CCDC110: variants seen among roughly 807,000 people sequenced by gnomAD.
CCDC110 encodes coiled-coil domain containing 110.
Under a neutral mutation model 77.1 loss-of-function variants are expected in CCDC110, and 70 were observed. That is an observed-to-expected ratio of 0.91 (90% CI 0.75 to 1.11). CCDC110 has a LOEUF of 1.11. Among genes scored for constraint, CCDC110 ranks in the 50% least tolerant of loss-of-function variants. CCDC110 has a pLI of 0.00. For synonymous variants in CCDC110, 295 were observed against 312.5 expected (o/e 0.94, Z 0.59); for missense variants, 868 against 942.9 (o/e 0.92, Z 1.04).
chr4:185,453,788 C>G (rs557945940), intron 6 of CCDC110, among the ~76,000 whole-genome samples: 1 of 151,496 alleles, frequency 6.6e-6, no homozygotes, highest in South Asian at 2.1e-4. Flanking sequence ...TCAAACGATC[C>G]TCCCACCTCA....
At chr4:185,447,460 T>G (rs369788718) in intron 6 of CCDC110, among the ~76,000 whole-genome samples, 159 of 152,244 alleles carry the variant, frequency 1.0e-3, no homozygotes, top group South Asian at 3.1e-3. Context: ...GATTACAGGC[T>G]TGATCCACCA....
chr4:185,462,476 G>A (rs1247533307), intron 4 of CCDC110, among the ~76,000 whole-genome samples, 167 bp downstream of exon 4: 1 of 152,190 alleles, frequency 6.6e-6, no homozygotes, highest in Non-Finnish European at 1.5e-5. Context: ...GTATAACAGA[G>A]AGAAGAATGT....
intron 6 of CCDC110, among the ~76,000 whole-genome samples, chr4:185,445,771 G>A (rs1218801176): frequency 6.6e-6 from 1 of 152,216 alleles, no homozygotes; most frequent in East Asian, 1.9e-4. Flanking sequence ...AACACTTGGG[G>A]ACAGCAATTA....
In CCDC110 at chr4:185,446,280, T is replaced by C. The variant is rs192867883; in HGVS notation, c.2462-738A>G. ...GTGCTATGTGTTAACTTTTACCTAATCAAAATATGATTTTGAATACATGAA... is the reference window on the plus strand; with the variant it reads ...GTGCTATGTGTTAACTTTTACCTAACCAAAATATGATTTTGAATACATGAA... On this transcript the variant is annotated intron_variant, in intron 6 of 6. Coordinates refer to ENST00000307588, the MANE Select transcript of CCDC110 (RefSeq NM_152775.4). Among the ~76,000 whole-genome samples the C allele has an allele frequency of 2.0e-5, 3 of 152,336 alleles. No homozygotes were observed. The East Asian group carries it at 5.8e-4, about 29-fold the overall frequency.
At chr4:185,448,289 G>C (rs1468342289) in intron 6 of CCDC110, among the ~76,000 whole-genome samples, 1 of 151,562 alleles carries the variant, frequency 6.6e-6, no homozygotes, top group East Asian at 1.9e-4. Flanking sequence ...CCAAAGTGCT[G>C]GGATTAAGTG....
At chr4:185,469,868 C>T (rs1306944727) in intron 2 of CCDC110, among the ~76,000 whole-genome samples, 2 of 152,200 alleles carry the variant, frequency 1.3e-5, no homozygotes, top group Non-Finnish European at 1.5e-5. Context: ...CCTCAGTCCT[C>T]TTGTGGTTCA....
At chr4:185,445,862 A>G (rs2095609206) in intron 6 of CCDC110, among the ~76,000 whole-genome samples, 1 of 152,152 alleles carries the variant, frequency 6.6e-6, no homozygotes, top group African/African-American at 2.4e-5. Flanking sequence ...TTTTTTTGAG[A>G]CGGAGTTTCG....
chr4:185,470,850 G>A, intron 2 of CCDC110, 95 bp downstream of exon 2: 1 of 900,560 alleles, frequency 1.1e-6, no homozygotes, highest in Non-Finnish European at 1.9e-6. Context: ...GTGTCATCAC[G>A]GCCGTGGGAA....
chr4:185,459,485 T>C lies in CCDC110; in HGVS notation c.1102A>G (p.Ile368Val). Reference sequence around the variant, plus strand: ...CTGGAATGGAATTTTAAATCTGTAATATTTTTGCCAGTGATGGGAATTTCT... The same window carrying C: ...CTGGAATGGAATTTTAAATCTGTAACATTTTTGCCAGTGATGGGAATTTCT... ...NKEIPITGKN[I>V]TDLKFHSRVP... Residue 368 changes from isoleucine (I) to valine (V), a missense_variant, in exon 6 of 7, where the codon ATT becomes GTT. Ile to Val is a conservative substitution (Grantham distance 29). Coordinates refer to ENST00000307588, the MANE Select transcript of CCDC110 (RefSeq NM_152775.4). 1 of 1,613,704 alleles carries C rather than the reference T, an allele frequency of 6.2e-7. No homozygotes were observed. The highest frequency in any genetic ancestry group is 8.5e-7 in the Non-Finnish European group (1 of 1,179,746).
intron 6 of CCDC110, among the ~76,000 whole-genome samples, chr4:185,455,905 AAAAATT>A (rs2095635376): frequency 6.6e-6 from 1 of 152,044 alleles, no homozygotes; most frequent in Non-Finnish European, 1.5e-5. Flanking sequence ...TATTAATAAT[AAAAATT>A]AAAAGAGCTT....
chr4:185,467,925 C>T lies in CCDC110; in HGVS notation c.115+3020G>A, dbSNP rs141448278. Among the ~76,000 whole-genome samples the T allele has an allele frequency of 7.0e-3, 1,072 of 152,306 alleles. 11 individuals are homozygous for T. The highest frequency in any genetic ancestry group is 0.024 in the African/African-American group (1,016 of 41,558). Reference sequence around the variant, plus strand: ...CTGGGACTACAGGCATGTGCCAGCACACCCGGCTAATTTTTGTATTTTTAG... The same window carrying T: ...CTGGGACTACAGGCATGTGCCAGCATACCCGGCTAATTTTTGTATTTTTAG... On this transcript the variant is annotated intron_variant, in intron 2 of 6. Coordinates refer to ENST00000307588, the MANE Select transcript of CCDC110 (RefSeq NM_152775.4).
chr4:185,449,614 C>T lies in CCDC110; in HGVS notation c.2462-4072G>A, dbSNP rs746375614. 211 of 1,543,360 alleles carry T rather than the reference C, an allele frequency of 1.4e-4. No individual in the cohort carries two copies. The Middle Eastern group carries it at 3.0e-3, about 22-fold the overall frequency. ...ATTTTAGGGCACTAAATTCAAAGAACTACAAGACTTCTTCAGTACCATCCT... is the reference window on the plus strand; with the variant it reads ...ATTTTAGGGCACTAAATTCAAAGAATTACAAGACTTCTTCAGTACCATCCT... On this transcript the variant is annotated intron_variant, in intron 6 of 6. Coordinates refer to ENST00000307588, the MANE Select transcript of CCDC110 (RefSeq NM_152775.4).
intron 2 of CCDC110, among the ~76,000 whole-genome samples, chr4:185,466,248 G>GGACA (rs2095655731): frequency 6.6e-6 from 1 of 152,094 alleles, no homozygotes; most frequent in African/African-American, 2.4e-5. Context: ...GGTGGCATGT[G>GGACA]CCTGTAATCC....
At position 185,459,275 on chromosome 4, in the gene CCDC110, A is replaced by G. The variant is rs1471523687; in HGVS notation, c.1312T>C (p.Ser438Pro). 1.8e-5 allele frequency: 29 copies of G among 1,613,108 alleles called. No homozygotes were observed. The highest frequency in any genetic ancestry group is 2.5e-5 in the Non-Finnish European group (29 of 1,179,624). The change falls in exon 6 of 7, where the codon TCT (serine) becomes CCT (proline). Residue 438 changes from serine (S) to proline (P), a missense_variant. Ser to Pro is a moderately conservative substitution (Grantham distance 74, BLOSUM62 -1). Transcript: ENST00000307588. Reference sequence around the variant, plus strand: ...ATTACTTTTTTCTGTATCTGCACAGATTCTTTTAGGTAATTCTGTAAGTAC... The same window carrying G: ...ATTACTTTTTTCTGTATCTGCACAGGTTCTTTTAGGTAATTCTGTAAGTAC... The part of the protein sequence containing the change: ...IQYLQNYLKE[S>P]VQIQKKVMEL...
At position 185,471,676 on chromosome 4, in the gene CCDC110, G is replaced by C. The variant is rs751181963; in HGVS notation, c.8C>G (p.Pro3Arg). MS[P>R]EKQHREEDEV... ...GCCCCGCCCCGTCCAACTCTTACCC[G>C]GGCTCATCGCCGCGGCTCATCTCTC... Residue 3 changes from proline (P) to arginine (R), a missense_variant and splice_region_variant, in exon 1 of 7, where the codon CCG (proline) becomes CGG (arginine). Transcript: ENST00000307588. 1 of 1,554,440 alleles carries C rather than the reference G, an allele frequency of 6.4e-7. No homozygotes were observed. Among genetic ancestry groups the C allele is most frequent in the Non-Finnish European group, 8.7e-7 (1 of 1,154,606 alleles).
intron 6 of CCDC110, among the ~76,000 whole-genome samples, chr4:185,451,954 A>G (rs1402452012): frequency 6.6e-6 from 1 of 152,238 alleles, no homozygotes; most frequent in African/African-American, 2.4e-5. Context: ...TTTTATATAA[A>G]TGTATTGTGT....
intron 2 of CCDC110, among the ~76,000 whole-genome samples, chr4:185,469,692 C>T (rs1429388619): frequency 6.6e-6 from 1 of 152,226 alleles, no homozygotes; most frequent in Non-Finnish European, 1.5e-5. Context: ...CTGGCCAGTG[C>T]CTGTCCTGCT....
chr4:185,447,719 T>C (rs2095618198), intron 6 of CCDC110, among the ~76,000 whole-genome samples: 1 of 152,174 alleles, frequency 6.6e-6, no homozygotes, highest in South Asian at 2.1e-4. Context: ...TAATATAGTA[T>C]CACTGCAATT....
chr4:185,451,862 A>C (rs1205538388), intron 6 of CCDC110, among the ~76,000 whole-genome samples: 2 of 152,188 alleles, frequency 1.3e-5, no homozygotes, highest in Admixed American at 1.3e-4. Context: ...ACTTCATATC[A>C]TATTCATAGA....
Sources: gnomAD v4.1 joint callset for allele counts (sites outside exome capture counted in the v4.1 genomes callset) on GRCh38, gnomAD v4.1.1 for gene constraint, MANE v1.5 for transcripts, NCBI Gene and HGNC (gene_info 2026-07-23, HGNC 2026-07-21) for gene names.